Variants in SNX29 observed in about 807,000 individuals in gnomAD.
SNX29 encodes sorting nexin-29.
In SNX29, 78 loss-of-function variants were observed where a neutral mutation model predicts 102.1. That is an observed-to-expected ratio of 0.76 (90% CI 0.64 to 0.92). SNX29 has a LOEUF of 0.92. Among genes scored for constraint, SNX29 ranks in the 40% least tolerant of loss-of-function variants. The probability of loss-of-function intolerance (pLI) is 0.00; values close to 1 mark genes in which losing one functional copy is unlikely to be tolerated. For synonymous variants in SNX29, 580 were observed against 414.5 expected (o/e 1.40, Z -4.85); for missense variants, 1,280 against 1,061.7 (o/e 1.21, Z -2.86).
chr16:12,542,513 G>A (rs982924760), intron 20 of SNX29, among the ~76,000 whole-genome samples: 20 of 152,176 alleles, frequency 1.3e-4, no homozygotes, highest in Admixed American at 1.1e-3. Context: ...TGTATTTTTA[G>A]GAGAGGCAGG....
At chr16:12,002,250 C>G (rs1057345069) in intron 2 of SNX29, among the ~76,000 whole-genome samples, 22 of 151,998 alleles carry the variant, frequency 1.4e-4, no homozygotes, top group African/African-American at 5.1e-4. Context: ...GAGTTCAAGA[C>G]CAGCCTGACC....
At chr16:12,477,035 C>T (rs1344280258) in intron 18 of SNX29, among the ~76,000 whole-genome samples, 1 of 152,174 alleles carries the variant, frequency 6.6e-6, no homozygotes, top group Non-Finnish European at 1.5e-5. Flanking sequence ...GATGAAGTTG[C>T]TACTTGCCCC....
In SNX29 at chr16:12,112,408, G is replaced by A. The variant is rs2053535210; in HGVS notation, c.1403-14225G>A. ...TTCGGGCACCTCCAGTGTCATCTCT[G>A]CGTGGCTGCTGAGGTGGAGATCTGG... On this transcript the variant is annotated intron_variant, in intron 11 of 20. Transcript: ENST00000566228. Among the ~76,000 whole-genome samples, 3 of 152,346 alleles carry A rather than the reference G, an allele frequency of 2.0e-5. No individual in the cohort carries two copies. In the South Asian group the frequency reaches 6.2e-4, roughly 32 times the overall value.
intron 14 of SNX29, among the ~76,000 whole-genome samples, chr16:12,247,364 G>T (rs150149648): frequency 3.3e-5 from 5 of 152,326 alleles, no homozygotes; most frequent in African/African-American, 7.2e-5. Flanking sequence ...TCCTCCTGTA[G>T]CCTTTCTTCC....
chr16:12,237,252 G>A (rs1336883716), intron 14 of SNX29, among the ~76,000 whole-genome samples: 3 of 152,278 alleles, frequency 2.0e-5, no homozygotes, highest in South Asian at 2.1e-4. Flanking sequence ...GAAGCCCAGC[G>A]GTGTTTCCTC....
intron 14 of SNX29, among the ~76,000 whole-genome samples, 164 bp downstream of exon 14, chr16:12,199,847 T>A (rs2076870079): frequency 6.6e-6 from 1 of 152,254 alleles, no homozygotes; most frequent in South Asian, 2.1e-4. Flanking sequence ...GAAAACCTGA[T>A]GCGTATCCCT....
chr16:12,456,517 G>A (rs1321261332), intron 18 of SNX29, among the ~76,000 whole-genome samples: 1 of 151,868 alleles, frequency 6.6e-6, no homozygotes, highest in East Asian at 1.9e-4. Context: ...GTGTGTGTGT[G>A]TGTGTGTGTG....
In SNX29 at chr16:12,571,653, A is replaced by G. The variant is rs2079190185; in HGVS notation, c.*3024A>G. 2 of 1,058,816 alleles carry G rather than the reference A, an allele frequency of 1.9e-6. No individual in the cohort carries two copies. The highest frequency in any genetic ancestry group is 2.3e-6 in the Non-Finnish European group (2 of 875,416). The allele number at this position is 1,058,816 out of a possible 1,614,324, so 65.6% of individuals were successfully genotyped here. A position where few individuals can be genotyped will look rare whatever the true frequency, so the allele number is the denominator to read the frequency against. On this transcript the variant is annotated 3_prime_UTR_variant, in exon 21 of 21. Transcript: ENST00000566228. ...TTCTCCCCCAGATGAAAGACGACTC[A>G]GGAACGGTAGGGCTGGGCAGAGGTG...
At chr16:12,447,956 TA>T (rs2086137930) in intron 18 of SNX29, among the ~76,000 whole-genome samples, 1 of 152,126 alleles carries the variant, frequency 6.6e-6, no homozygotes, top group South Asian at 2.1e-4. Flanking sequence ...CAGCTGATGG[TA>T]GCTGAGATCA....
chr16:12,358,828 A>C (rs2082220146), intron 16 of SNX29, among the ~76,000 whole-genome samples: 3 of 152,234 alleles, frequency 2.0e-5, no homozygotes, highest in South Asian at 2.1e-4. Context: ...GACAGGATTC[A>C]GGGAGCTTCC....
chr16:12,232,599 C>G (rs1387129633), intron 14 of SNX29, among the ~76,000 whole-genome samples: 3 of 152,158 alleles, frequency 2.0e-5, no homozygotes, highest in Non-Finnish European at 2.9e-5. Context: ...TTTAATCTTT[C>G]AGTGGGCTTC....
At chr16:12,423,883 G>A (rs1270107029) in intron 18 of SNX29, among the ~76,000 whole-genome samples, 2 of 152,174 alleles carry the variant, frequency 1.3e-5, no homozygotes, top group African/African-American at 2.4e-5. Context: ...ACAAGTTTTT[G>A]TAAGAAGAGT....
intron 13 of SNX29, among the ~76,000 whole-genome samples, chr16:12,167,840 G>T (rs1481035974): frequency 6.6e-6 from 1 of 152,304 alleles, no homozygotes; most frequent in South Asian, 2.1e-4. Context: ...CGTGAATAAG[G>T]TGTTATTGTA....
chr16:12,260,585 T>A (rs897727935), intron 14 of SNX29, among the ~76,000 whole-genome samples: 2 of 151,870 alleles, frequency 1.3e-5, no homozygotes, highest in Non-Finnish European at 2.9e-5. Flanking sequence ...ATCCATGTCC[T>A]CCTGGTCTCT....
At position 12,437,533 on chromosome 16, in the gene SNX29, A is replaced by T. The variant is rs992399219; in HGVS notation, c.2037+34004A>T. Among the ~76,000 whole-genome samples the T allele has an allele frequency of 2.6e-5, 4 of 152,218 alleles. No homozygotes were observed. In the East Asian group the frequency reaches 7.7e-4, roughly 29 times the overall value. The stretch of plus-strand genomic sequence containing the variant: ...GTCTCAGGACATACATATGAAGTAC[A>T]TCAAGGGGCAGAATGGGGCTGGCAG... On this transcript the variant is annotated intron_variant, in intron 18 of 20. Coordinates refer to ENST00000566228, the MANE Select transcript of SNX29 (RefSeq NM_032167.5).
At chr16:12,450,726 G>A (rs1009932797) in intron 18 of SNX29, among the ~76,000 whole-genome samples, 8 of 152,188 alleles carry the variant, frequency 5.3e-5, no homozygotes, top group African/African-American at 1.9e-4. Flanking sequence ...CTTGGGCATT[G>A]ACCCAGAGAA....
chr16:12,263,969 C>A (rs1336606463), intron 14 of SNX29, among the ~76,000 whole-genome samples: 2 of 152,196 alleles, frequency 1.3e-5, no homozygotes, highest in Non-Finnish European at 2.9e-5. Flanking sequence ...TCAATGACCT[C>A]CACCACCATT....
At chr16:12,014,936 C>T (rs1163224726) in intron 3 of SNX29, among the ~76,000 whole-genome samples, 1 of 151,976 alleles carries the variant, frequency 6.6e-6, no homozygotes, top group East Asian at 1.9e-4. Context: ...TGTTGCAAAG[C>T]ATGAATTTTT....
intron 15 of SNX29, among the ~76,000 whole-genome samples, chr16:12,354,282 A>G (rs1214742731): frequency 6.6e-6 from 1 of 152,212 alleles, no homozygotes; most frequent in African/African-American, 2.4e-5. Context: ...TCATAGTTTT[A>G]ATGGTTGCTG....
Sources: allele counts gnomAD v4.1 joint callset (sites outside exome capture counted in the v4.1 genomes callset), GRCh38; gene constraint gnomAD v4.1.1; transcripts MANE v1.5; gene names NCBI Gene and HGNC (gene_info 2026-07-23, HGNC 2026-07-21).